Variants in HEMK2 observed in about 807,000 individuals in gnomAD.
The protein encoded by HEMK2 is methyltransferase HEMK2.
chr21:28,801,939 ATTAAC>A, the HEMK2 span, among the ~76,000 whole-genome samples: 2 of 152,196 alleles, frequency 1.3e-5, no homozygotes. Flanking sequence ...ATTGGTATAA[ATTAAC>A]TTATCTTTGG....
the HEMK2 span, among the ~76,000 whole-genome samples, chr21:28,819,705 T>C: frequency 1.1e-4 from 17 of 151,952 alleles, no homozygotes; most frequent in African/African-American, 3.6e-4. Context: ...GGTGCCACCA[T>C]GCCTGGCTAA....
At chr21:28,751,232 A>G in the HEMK2 span, among the ~76,000 whole-genome samples, 197 of 128,560 alleles carry the variant, frequency 1.5e-3, no homozygotes, top group African/African-American at 6.0e-3. Context: ...CTCTGTCTCA[A>G]TGAAAAAAAA....
the HEMK2 span, among the ~76,000 whole-genome samples, chr21:28,629,005 G>A: frequency 1.0e-3 from 157 of 152,254 alleles, no homozygotes; most frequent in African/African-American, 3.6e-3. Context: ...TCACCTGCTC[G>A]CACCCCCAAC....
the HEMK2 span, among the ~76,000 whole-genome samples, chr21:28,633,033 C>T: frequency 1.3e-5 from 2 of 152,172 alleles, no homozygotes; most frequent in Admixed American, 1.3e-4. Context: ...TGATCGGACC[C>T]CATTTTCACA....
the HEMK2 span, among the ~76,000 whole-genome samples, chr21:28,761,133 A>G: frequency 6.6e-6 from 1 of 152,162 alleles, no homozygotes; most frequent in African/African-American, 2.4e-5. Flanking sequence ...AATATAAGTT[A>G]GCTGAAACTT....
the HEMK2 span, among the ~76,000 whole-genome samples, chr21:28,653,797 G>C: frequency 6.6e-6 from 1 of 152,100 alleles, no homozygotes; most frequent in East Asian, 1.9e-4. Flanking sequence ...ACCTGGACTA[G>C]GTCTAATGCA....
At chr21:28,685,802 G>C in the HEMK2 span, among the ~76,000 whole-genome samples, 4 of 152,082 alleles carry the variant, frequency 2.6e-5, no homozygotes, top group African/African-American at 7.2e-5. Flanking sequence ...TTAGAGTCAG[G>C]GAAGTAAAAA....
At chr21:28,726,148 T>C in the HEMK2 span, among the ~76,000 whole-genome samples, 1 of 152,160 alleles carries the variant, frequency 6.6e-6, no homozygotes, top group Non-Finnish European at 1.5e-5. Flanking sequence ...AACTAATTAT[T>C]AACATAATTC....
the HEMK2 span, among the ~76,000 whole-genome samples, chr21:28,603,771 C>A: frequency 4.6e-5 from 7 of 152,186 alleles, no homozygotes; most frequent in African/African-American, 1.7e-4. Context: ...TTAGTTTCGG[C>A]AGCTCAGTTG....
the HEMK2 span, among the ~76,000 whole-genome samples, chr21:28,610,362 T>A: frequency 6.6e-6 from 1 of 152,064 alleles, no homozygotes; most frequent in Non-Finnish European, 1.5e-5. Flanking sequence ...CTGAGAAAAT[T>A]TCCCACTACC....
chr21:28,808,809 A>G, the HEMK2 span, among the ~76,000 whole-genome samples: 2 of 152,180 alleles, frequency 1.3e-5, no homozygotes, highest in African/African-American at 4.8e-5. Flanking sequence ...ATTTGCTAAT[A>G]AAGACAATTT....
the HEMK2 span, among the ~76,000 whole-genome samples, chr21:28,659,089 T>G: frequency 0.02 from 3,044 of 152,230 alleles, 42 homozygotes; most frequent in Middle Eastern, 0.034. Flanking sequence ...CTTTACAAAT[T>G]CTCCTGAATA....
chr21:28,620,660 C>CTTTTTT, the HEMK2 span, among the ~76,000 whole-genome samples: 265 of 49,650 alleles, frequency 5.3e-3, 44 homozygotes, highest in East Asian at 0.013. Flanking sequence ...TCTCTCTTTT[C>CTTTTTT]TTTTTTTTTT....
chr21:28,716,381 G>GT, the HEMK2 span, among the ~76,000 whole-genome samples: 4 of 152,076 alleles, frequency 2.6e-5, no homozygotes, highest in South Asian at 8.3e-4. Flanking sequence ...TATTTTGTGG[G>GT]TTTTTTTGTG....
chr21:28,613,619 C>CTTTTTTTTTTT, the HEMK2 span, among the ~76,000 whole-genome samples: 172 of 82,704 alleles, frequency 2.1e-3, 26 homozygotes, highest in African/African-American at 3.8e-3. Context: ...TCTGCATATT[C>CTTTTTTTTTTT]TTTTTTTTTT....
chr21:28,844,141 A>G, the HEMK2 span, among the ~76,000 whole-genome samples: 5 of 152,232 alleles, frequency 3.3e-5, no homozygotes, highest in African/African-American at 1.2e-4. Flanking sequence ...TCAAGCATAT[A>G]TATCCTCCAT....
the HEMK2 span, among the ~76,000 whole-genome samples, chr21:28,750,013 G>A: frequency 6.6e-6 from 1 of 152,112 alleles, no homozygotes; most frequent in African/African-American, 2.4e-5. Context: ...AATTGAACAG[G>A]CCAATGCTTT....
chr21:28,684,031 C>T, the HEMK2 span, among the ~76,000 whole-genome samples: 1 of 152,172 alleles, frequency 6.6e-6, no homozygotes, highest in Admixed American at 6.5e-5. Context: ...CATAAGCATT[C>T]CCATCTTAAA....
At chr21:28,632,417 T>C in the HEMK2 span, among the ~76,000 whole-genome samples, 2 of 152,216 alleles carry the variant, frequency 1.3e-5, no homozygotes, top group Non-Finnish European at 2.9e-5. Context: ...AAAATTGTAG[T>C]TGAAAGTGAA....
Sources: gnomAD v4.1 joint callset for allele counts (sites outside exome capture counted in the v4.1 genomes callset) on GRCh38, gnomAD v4.1.1 for gene constraint, MANE v1.5 for transcripts, NCBI Gene and HGNC (gene_info 2026-07-23, HGNC 2026-07-21) for gene names.